ZNF469: variants seen among roughly 807,000 people sequenced by gnomAD.
The protein encoded by ZNF469 is zinc finger protein 469.
A neutral mutation model predicts 1.0 loss-of-function variants in ZNF469; 1 was observed. That is an observed-to-expected ratio of 1.00 (90% CI 0.35 to 4.73). The LOEUF is 4.73. Ranked by LOEUF, ZNF469 falls within the 30% of genes most tolerant of loss-of-function variation. The pLI, the probability that ZNF469 is intolerant of heterozygous loss-of-function variation, is 0.16. For synonymous variants in ZNF469, 2,703 were observed against 2,363.4 expected (o/e 1.14, Z -4.17); for missense variants, 6,100 against 5,356.3 (o/e 1.14, Z -4.33).
the ZNF469 span, among the ~76,000 whole-genome samples, chr16:88,106,600 C>T: frequency 5.3e-5 from 8 of 152,368 alleles, no homozygotes; most frequent in Admixed American, 2.6e-4. Context: ...ATGCTGCACC[C>T]GGAGCAGCCC....
the ZNF469 span, among the ~76,000 whole-genome samples, chr16:88,360,111 C>T: frequency 6.6e-6 from 1 of 152,170 alleles, no homozygotes; most frequent in Non-Finnish European, 1.5e-5. Context: ...ACCTCGGCCT[C>T]CCAAAGTGCT....
intron 1 of ZNF469, among the ~76,000 whole-genome samples, chr16:88,395,797 A>G (rs1904642319): frequency 6.6e-6 from 1 of 152,224 alleles, no homozygotes; most frequent in Non-Finnish European, 1.5e-5. Context: ...AGCTGCCACC[A>G]TGCGGGGTGC....
the ZNF469 span, among the ~76,000 whole-genome samples, chr16:88,212,493 G>A: frequency 6.6e-6 from 1 of 151,900 alleles, no homozygotes; most frequent in Non-Finnish European, 1.5e-5. Context: ...TCTCCTTTGG[G>A]TACCTTTTAA....
the ZNF469 span, among the ~76,000 whole-genome samples, chr16:88,230,113 G>T: frequency 6.6e-6 from 1 of 152,238 alleles, no homozygotes; most frequent in Admixed American, 6.5e-5. Flanking sequence ...GGAAGGCTCA[G>T]ACTGTTTCCA....
the ZNF469 span, among the ~76,000 whole-genome samples, chr16:88,214,356 C>T: frequency 6.6e-6 from 1 of 152,020 alleles, no homozygotes. Flanking sequence ...TTAGATTTTC[C>T]AGAAGCTAGA....
the ZNF469 span, among the ~76,000 whole-genome samples, chr16:88,272,457 G>GATGA: frequency 1.5e-5 from 2 of 134,236 alleles, no homozygotes; most frequent in South Asian, 4.7e-4. Context: ...TGGTGAGATA[G>GATGA]ATGAATGAAC....
the ZNF469 span, among the ~76,000 whole-genome samples, chr16:88,239,699 ATATATATATATATATATTTTTTTTT>A: frequency 1.3e-3 from 16 of 12,226 alleles, 1 homozygote; most frequent in South Asian, 0.02. Flanking sequence ...ATATATATAT[ATATATATATATATATATTTTTTTTT>A]TTTTTTTTTT....
Position 88,431,595 on chromosome 16 carries a change from C to G in ZNF469, c.4125C>G (p.Pro1375=). The G allele has an allele frequency of 1.9e-6, 3 of 1,550,478 alleles. No individual in the cohort carries two copies. The highest frequency in any genetic ancestry group is 2.6e-6 in the Non-Finnish European group (3 of 1,146,992). ...GVPVAKKGPQ[P]YSSPHSELFL... is the part of the protein sequence containing the mutation. ...CAGTTGCCAAAAAGGGGCCTCAGCC[C>G]TACAGCAGCCCCCACAGTGAGTTGT... is the stretch of plus-strand genomic sequence containing the variant. Residue 1375 remains proline (P), a synonymous_variant, in exon 3 of 3, where the codon CCC becomes CCG. Coordinates refer to ENST00000565624, the MANE Select transcript of ZNF469 (RefSeq NM_001367624.2).
the ZNF469 span, among the ~76,000 whole-genome samples, chr16:88,124,880 G>A: frequency 2.6e-5 from 4 of 152,178 alleles, no homozygotes; most frequent in Non-Finnish European, 4.4e-5. Context: ...CACTGCGCCC[G>A]GCCAAGAATA....
the ZNF469 span, among the ~76,000 whole-genome samples, chr16:88,249,429 C>CTTTTTTTTTTTTTT: frequency 4.7e-5 from 3 of 63,612 alleles, no homozygotes; most frequent in Admixed American, 2.0e-4. Context: ...TTTTCTTTTT[C>CTTTTTTTTTTTTTT]TTTTTTTTTT....
chr16:88,188,876 C>G, the ZNF469 span, among the ~76,000 whole-genome samples: 2 of 152,132 alleles, frequency 1.3e-5, no homozygotes, highest in African/African-American at 4.8e-5. Context: ...GGTGTGGGCA[C>G]CATGCACCAC....
chr16:88,346,493 C>A, the ZNF469 span, among the ~76,000 whole-genome samples: 1 of 152,224 alleles, frequency 6.6e-6, no homozygotes, highest in East Asian at 1.9e-4. Context: ...TACAGCAGGA[C>A]CGTTGCTCCT....
chr16:88,394,820 C>G (rs1904608762), intron 1 of ZNF469, among the ~76,000 whole-genome samples: 1 of 152,234 alleles, frequency 6.6e-6, no homozygotes, highest in Non-Finnish European at 1.5e-5. Flanking sequence ...GCCCTGTCAC[C>G]ATGGCTTTCA....
At chr16:88,159,350 G>A in the ZNF469 span, among the ~76,000 whole-genome samples, 5 of 152,126 alleles carry the variant, frequency 3.3e-5, no homozygotes, top group South Asian at 2.1e-4. Context: ...TGTGTGTCCC[G>A]TGCAGTGTGC....
At position 88,429,528 on chromosome 16, in the gene ZNF469, G is replaced by C. The variant is rs1329168043; in HGVS notation, c.2058G>C (p.Glu686Asp). ...CCGAGGGTGCCTTCCAGTGCCTGGAGGAGACCCCATTCCCCCACGAGGGCC... is the reference window on the plus strand; with the variant it reads ...CCGAGGGTGCCTTCCAGTGCCTGGACGAGACCCCATTCCCCCACGAGGGCC... ...LGAEGAFQCL[E>D]ETPFPHEGPE... is the part of the protein sequence containing the mutation. Residue 686 changes from glutamate to aspartate, a missense_variant, in exon 3 of 3, where the codon GAG becomes GAC. Transcript: ENST00000565624. The C allele has an allele frequency of 1.9e-6, 3 of 1,550,032 alleles. No individual in the cohort carries two copies. In the Admixed American group the frequency reaches 5.9e-5, roughly 30 times the overall value.
chr16:88,318,853 C>T, the ZNF469 span, among the ~76,000 whole-genome samples: 253 of 152,376 alleles, frequency 1.7e-3, 2 homozygotes, highest in African/African-American at 5.7e-3. Context: ...TCCAGACGGC[C>T]ATCATGCAAA....
chr16:88,227,865 G>A, the ZNF469 span, among the ~76,000 whole-genome samples: 63 of 152,312 alleles, frequency 4.1e-4, no homozygotes, highest in African/African-American at 1.3e-3. Flanking sequence ...TCCCCGGCAC[G>A]CAGGTGTACC....
the ZNF469 span, among the ~76,000 whole-genome samples, chr16:88,138,992 C>G: frequency 1.3e-5 from 2 of 152,248 alleles, no homozygotes; most frequent in African/African-American, 2.4e-5. Context: ...AGGGGGGACC[C>G]TGTCCCAATG....
the ZNF469 span, among the ~76,000 whole-genome samples, chr16:88,146,724 C>T: frequency 3.3e-4 from 50 of 152,150 alleles, no homozygotes; most frequent in African/African-American, 1.0e-3. Flanking sequence ...AGGGTGGTTT[C>T]CAGCCCATGA....
Sources: allele counts gnomAD v4.1 joint callset (sites outside exome capture counted in the v4.1 genomes callset), GRCh38; gene constraint gnomAD v4.1.1; transcripts MANE v1.5; gene names NCBI Gene and HGNC (gene_info 2026-07-23, HGNC 2026-07-21).